The following SMG1 variants were observed in gnomAD, a reference collection of about 807,000 sequenced individuals.
SMG1 encodes the protein serine/threonine-protein kinase SMG1.
A neutral mutation model predicts 419.9 loss-of-function variants in SMG1; 22 were observed. The ratio of observed to expected loss-of-function variants is 0.05; its 90% CI spans 0.04 to 0.07. SMG1 has a LOEUF of 0.07. Ranked by LOEUF, SMG1 falls within the 10% of genes least tolerant of loss-of-function variation. The pLI is 1.00. For missense variants in SMG1, 3,185 were observed against 4,342.0 expected, an observed-to-expected ratio of 0.73 and a Z score of 7.49; for synonymous variants, 1,538 against 1,553.5, an observed-to-expected ratio of 0.99 and a Z score of 0.23.
intron 1 of SMG1, among the ~76,000 whole-genome samples, chr16:18,907,845 C>CGAA (rs1261505983): frequency 1.8e-5 from 1 of 54,976 alleles, no homozygotes; most frequent in Non-Finnish European, 3.3e-5. Context: ...GAACGAGACT[C>CGAA]AAAAAAAAAA....
At chr16:18,923,816 T>C (rs1331954311) in intron 1 of SMG1, among the ~76,000 whole-genome samples, 3 of 152,246 alleles carry the variant, frequency 2.0e-5, no homozygotes, top group African/African-American at 7.2e-5. Context: ...AGATCCGTTC[T>C]GTCAGTTACC....
chr16:18,827,350 C>G (rs975232449), intron 55 of SMG1, among the ~76,000 whole-genome samples: 1 of 151,336 alleles, frequency 6.6e-6, no homozygotes, highest in Non-Finnish European at 1.5e-5. Context: ...CGCTTGAACC[C>G]GAGAGGCAGA....
At chr16:18,901,641 C>G (rs560630267) in intron 1 of SMG1, among the ~76,000 whole-genome samples, 31 of 152,184 alleles carry the variant, frequency 2.0e-4, no homozygotes, top group African/African-American at 7.5e-4. Context: ...CCTGTGAATT[C>G]TGGAAGGTAA....
intron 60 of SMG1, among the ~76,000 whole-genome samples, chr16:18,812,999 T>A (rs1032068087): frequency 6.6e-6 from 1 of 152,170 alleles, no homozygotes; most frequent in African/African-American, 2.4e-5. Context: ...GGACATGAAC[T>A]CATCCTTTTT....
In SMG1 at chr16:18,897,587, A is replaced by G. The variant is rs189796881; in HGVS notation, c.93-631T>C. Among the ~76,000 whole-genome samples, 12 of 152,322 alleles carry G rather than the reference A, an allele frequency of 7.9e-5. No homozygotes were observed. The East Asian group carries it at 1.7e-3, about 22-fold the overall frequency. On this transcript the variant is annotated intron_variant, in intron 1 of 62. Transcript: ENST00000446231. ...AAGGTATCAGAAATGCAATAAAGTG[A>G]TATCAGAAAGTTGTAGTTCATAATC...
intron 13 of SMG1, among the ~76,000 whole-genome samples, chr16:18,873,468 C>T (rs1407612768): frequency 6.6e-6 from 1 of 152,154 alleles, no homozygotes; most frequent in Non-Finnish European, 1.5e-5. Context: ...GTGATCTGCC[C>T]CCCTCGGTCT....
chr16:18,913,734 T>C (rs1183532739), intron 1 of SMG1, among the ~76,000 whole-genome samples: 1 of 152,014 alleles, frequency 6.6e-6, no homozygotes, highest in Non-Finnish European at 1.5e-5. Flanking sequence ...TCTAATAATA[T>C]TCTTGTAGAC....
Position 18,863,787 on chromosome 16 carries a change from T to C in SMG1, c.3558A>G (p.Leu1186=). 6.3e-7 allele frequency: 1 copy of C among 1,586,162 alleles called. No individual in the cohort carries two copies. Among genetic ancestry groups the C allele is most frequent in the Non-Finnish European group, 8.6e-7 (1 of 1,163,734 alleles). ...TGTAGCACTCACATGCTTTATTTCC[T>C]AAATAATTTATAACCTCAGGGGAAG... ...TDSSPEVINY[L]GNKACECYIS... The change falls in exon 25 of 63, where the codon TTA becomes TTG. Residue 1186 remains leucine (L), a synonymous_variant. Coordinates refer to ENST00000446231, the MANE Select transcript of SMG1 (RefSeq NM_015092.5).
At chr16:18,841,533 G>A (rs769943382) in intron 41 of SMG1, 32 bp downstream of exon 41, 36 of 1,570,494 alleles carry the variant, frequency 2.3e-5, no homozygotes, top group Non-Finnish European at 3.1e-5. Flanking sequence ...ACAGAGAATA[G>A]ACTAATACAC....
Position 18,842,291 on chromosome 16 carries a change from A to C in SMG1, c.6383T>G (p.Ile2128Ser). 1 of 1,614,008 alleles carries C rather than the reference A, an allele frequency of 6.2e-7. No individual in the cohort carries two copies. ...CTTGGTTTTAGTCGGTAAGATTGTG[A>C]TGGTTCCGCCCACACTATGGATTGT... The part of the protein sequence containing the change: ...TVTIHSVGGT[I>S]TILPTKTKPK... The change falls in exon 40 of 63, where the codon ATC becomes AGC. Residue 2128 changes from isoleucine to serine, a missense_variant. By Grantham distance (142) the Ile-to-Ser change is moderately radical (BLOSUM62 -2). Transcript: ENST00000446231.
chr16:18,817,043 A>C (rs191715770), intron 57 of SMG1, among the ~76,000 whole-genome samples: 3 of 134,888 alleles, frequency 2.2e-5, no homozygotes, highest in African/African-American at 8.5e-5. Flanking sequence ...CTTTCATAGT[A>C]TTTTGGTTGT....
chr16:18,889,206 T>A (rs1025606830), intron 6 of SMG1, among the ~76,000 whole-genome samples, 166 bp downstream of exon 6: 1 of 152,054 alleles, frequency 6.6e-6, no homozygotes, highest in Non-Finnish European at 1.5e-5. Context: ...CCTTGAACAG[T>A]GTATCCTTTA....
chr16:18,816,547 T>TTGTTTGACTTCGAGTATCAGCTGAAATAA lies in SMG1; in HGVS notation c.10075-47_10075-19dup. The TTGTTTGACTTCGAGTATCAGCTGAAATAA allele has an allele frequency of 6.2e-7, 1 of 1,600,688 alleles. No individual in the cohort carries two copies. Among genetic ancestry groups the TTGTTTGACTTCGAGTATCAGCTGAAATAA allele is most frequent in the African/African-American group, 1.3e-5 (1 of 74,682 alleles). ...CCAGTGTCCTAAATAGAACAAGCAT[T>TTGTTTGACTTCGAGTATCAGCTGAAATAA]TGTTTGACTTCGAGTATCAGCTGAA... On this transcript the variant is annotated intron_variant, in intron 57 of 62. Transcript: ENST00000446231.
chr16:18,813,154 G>GC (rs1235172788), intron 60 of SMG1, among the ~76,000 whole-genome samples: 7 of 152,270 alleles, frequency 4.6e-5, no homozygotes, highest in Non-Finnish European at 7.3e-5. Flanking sequence ...CTTTATAGCA[G>GC]CATGATTTAT....
intron 10 of SMG1, among the ~76,000 whole-genome samples, chr16:18,881,405 C>T (rs972079735): frequency 6.6e-6 from 1 of 152,086 alleles, no homozygotes; most frequent in African/African-American, 2.4e-5. Context: ...TGCTCAAGTA[C>T]GCAACTTACT....
chr16:18,851,480 C>A (rs1336815707), intron 33 of SMG1, among the ~76,000 whole-genome samples: 7 of 152,196 alleles, frequency 4.6e-5, no homozygotes. Context: ...TTTAAAAGCT[C>A]ACAACCAAGG....
chr16:18,916,792 A>G (rs1028343557), intron 1 of SMG1, among the ~76,000 whole-genome samples: 3 of 152,128 alleles, frequency 2.0e-5, no homozygotes, highest in African/African-American at 7.2e-5. Flanking sequence ...TAACCAAAAT[A>G]ATGACAACAT....
chr16:18,809,788 T>C (rs1350726577), intron 62 of SMG1, 142 bp from the exon 63 acceptor site: 2 of 606,832 alleles, frequency 3.3e-6, no homozygotes, highest in Admixed American at 5.9e-5. Flanking sequence ...CCCTTAATTT[T>C]CATATAAAAT....
chr16:18,884,943 T>C, intron 8 of SMG1, 147 bp downstream of exon 8: 1 of 632,664 alleles, frequency 1.6e-6, no homozygotes, highest in Admixed American at 3.1e-5. Flanking sequence ...CATATTTAGC[T>C]AACAAGTAAT....
Sources: gnomAD v4.1 joint callset for allele counts (sites outside exome capture counted in the v4.1 genomes callset) on GRCh38, gnomAD v4.1.1 for gene constraint, MANE v1.5 for transcripts, NCBI Gene and HGNC (gene_info 2026-07-23, HGNC 2026-07-21) for gene names.